The following SIGLEC15 variants were observed in gnomAD, a reference collection of about 807,000 sequenced individuals.
SIGLEC15 encodes sialic acid-binding Ig-like lectin 15.
Under a neutral mutation model 26.2 loss-of-function variants are expected in SIGLEC15, and 31 were observed. That is an observed-to-expected ratio of 1.18 (90% CI 0.89 to 1.60). The LOEUF is 1.60. Ranked by LOEUF, SIGLEC15 falls within the 40% of genes most tolerant of loss-of-function variation. The pLI is 0.00. For missense variants in SIGLEC15, 501 were observed against 488.4 expected, an observed-to-expected ratio of 1.03 and a Z score of -0.24; for synonymous variants, 207 against 221.9, an observed-to-expected ratio of 0.93 and a Z score of 0.60.
In SIGLEC15 at chr18:45,837,014, T is replaced by C. The variant is rs760622152; in HGVS notation, c.53-15T>C. 2.4e-5 allele frequency: 31 copies of C among 1,274,074 alleles called. No homozygotes were observed. The highest frequency in any genetic ancestry group is 3.3e-5 in the Non-Finnish European group (29 of 870,240). 78.9% of individuals were successfully genotyped at this position (1,274,074 alleles called of 1,614,324 possible). On this transcript the variant is annotated splice_polypyrimidine_tract_variant and intron_variant, in intron 1 of 5. Transcript: ENST00000389474. ...TATTCACGTGTAACCCGGGGTTAAC[T>C]GTGTTTATCTGTAGGCTCATTTGTG...
chr18:45,830,445 G>C (rs748329742), intron 1 of SIGLEC15, among the ~76,000 whole-genome samples: 2 of 152,186 alleles, frequency 1.3e-5, no homozygotes, highest in Non-Finnish European at 2.9e-5. Context: ...CTTTAGATTG[G>C]TCACTGCAAG....
rs1352657311 is a variant in SIGLEC15 at position 45,838,704 on chromosome 18, C to A, written c.497-14C>A. The A allele has an allele frequency of 6.4e-7, 1 of 1,561,074 alleles. No homozygotes were observed. The highest frequency in any genetic ancestry group is 2.3e-5 in the East Asian group (1 of 43,162). ...GGGTGCCCTTGTGACAGTCACCCGC[C>A]TTCTCCCCTGCAGCCGCGCCGCGGA... On this transcript the variant is annotated splice_polypyrimidine_tract_variant and intron_variant, in intron 3 of 5. Transcript: ENST00000389474.
At chr18:45,841,871 G>A (rs1011450935) in intron 5 of SIGLEC15, among the ~76,000 whole-genome samples, 3 of 152,114 alleles carry the variant, frequency 2.0e-5, no homozygotes, top group Non-Finnish European at 4.4e-5. Context: ...AGCCAGTCTT[G>A]AGGCCTCAGA....
Position 45,842,851 on chromosome 18 carries a change from G to A in SIGLEC15, c.*664G>A, listed in dbSNP as rs544936. 0.055 allele frequency: 8,332 copies of A among 152,680 alleles called. 410 individuals are homozygous for A. The highest frequency in any genetic ancestry group is 0.13 in the African/African-American group (5,515 of 41,540). 9.5% of individuals were successfully genotyped at this position (152,680 alleles called of 1,614,324 possible). On this transcript the variant is annotated 3_prime_UTR_variant, in exon 6 of 6. Coordinates refer to ENST00000389474, the MANE Select transcript of SIGLEC15 (RefSeq NM_213602.3). Reference sequence around the variant, plus strand: ...AGTGTGGCCCCTGCAGCAGTGTCACGGAGAACACAGAGTTCCAGAGAGCAA... The same window carrying A: ...AGTGTGGCCCCTGCAGCAGTGTCACAGAGAACACAGAGTTCCAGAGAGCAA...
At chr18:45,828,560 T>C (rs1398216257) in intron 1 of SIGLEC15, among the ~76,000 whole-genome samples, 1 of 152,184 alleles carries the variant, frequency 6.6e-6, no homozygotes, top group Non-Finnish European at 1.5e-5. Context: ...CCACAACCAC[T>C]GTCATCTTCA....
chr18:45,837,699 G>A lies in SIGLEC15; in HGVS notation c.299G>A (p.Gly100Asp). Reference sequence around the variant, plus strand: ...GTGTTCCGCTGCGCTGCGGCGCGGGGCAGCGAGCTCTGCCAGACGGCGCTG... The same window carrying A: ...GTGTTCCGCTGCGCTGCGGCGCGGGACAGCGAGCTCTGCCAGACGGCGCTG... ...PQVFRCAAAR[G>D]SELCQTALSL... Residue 100 changes from glycine (G) to aspartate (D), a missense_variant, in exon 3 of 6, where the codon GGC becomes GAC. Gly to Asp is a moderately conservative substitution (Grantham distance 94). Transcript: ENST00000389474. 1 of 1,479,242 alleles carries A rather than the reference G, an allele frequency of 6.8e-7. No individual in the cohort carries two copies. The highest frequency in any genetic ancestry group is 8.9e-7 in the Non-Finnish European group (1 of 1,124,420). The allele number at this position is 1,479,242 out of a possible 1,614,324, so 91.6% of individuals were successfully genotyped here.
intron 1 of SIGLEC15, among the ~76,000 whole-genome samples, chr18:45,827,839 T>C (rs541263532): frequency 6.6e-6 from 1 of 152,160 alleles, no homozygotes; most frequent in African/African-American, 2.4e-5. Flanking sequence ...CTGCTATGAA[T>C]CAGCAAGACA....
rs2048332573 is a variant in SIGLEC15 at position 45,842,420 on chromosome 18, C to T, written c.*233C>T. ...TGCCAGCATTTCGTAAATGTGCATACGTCTGTGTGTGTGTGTGTGTGTGAG... is the reference window on the plus strand; with the variant it reads ...TGCCAGCATTTCGTAAATGTGCATATGTCTGTGTGTGTGTGTGTGTGTGAG... On this transcript the variant is annotated 3_prime_UTR_variant, in exon 6 of 6. Transcript: ENST00000389474. 9 of 546,672 alleles carry T rather than the reference C, an allele frequency of 1.6e-5. No individual in the cohort carries two copies. The highest frequency in any genetic ancestry group is 1.3e-4 in the Admixed American group (4 of 31,414). The allele number at this position is 546,672 out of a possible 1,614,324, so 33.9% of individuals were successfully genotyped here.
intron 1 of SIGLEC15, among the ~76,000 whole-genome samples, chr18:45,831,510 C>T (rs1270466358): frequency 6.6e-6 from 1 of 152,148 alleles, no homozygotes; most frequent in Non-Finnish European, 1.5e-5. Context: ...GAGCAATGGC[C>T]AGACTGTCAA....
chr18:45,828,245 T>C (rs576004313), intron 1 of SIGLEC15, among the ~76,000 whole-genome samples: 2 of 152,274 alleles, frequency 1.3e-5, no homozygotes, highest in East Asian at 3.9e-4. Context: ...GAACAGCCCC[T>C]TGGTGAGAGA....
chr18:45,835,916 G>C (rs1405096940), intron 1 of SIGLEC15, among the ~76,000 whole-genome samples: 1 of 152,220 alleles, frequency 6.6e-6, no homozygotes, highest in African/African-American at 2.4e-5. Context: ...CCAGAAAAGA[G>C]AAGGCTCAAT....
intron 1 of SIGLEC15, among the ~76,000 whole-genome samples, chr18:45,834,322 A>G (rs1422732302): frequency 6.6e-6 from 1 of 152,170 alleles, no homozygotes; most frequent in Non-Finnish European, 1.5e-5. Flanking sequence ...CAGCAACACA[A>G]ATAGAACCAG....
At chr18:45,829,565 C>A (rs1041628222) in intron 1 of SIGLEC15, among the ~76,000 whole-genome samples, 1 of 152,144 alleles carries the variant, frequency 6.6e-6, no homozygotes, top group Admixed American at 6.5e-5. Context: ...TCTCTCCTTG[C>A]CCTCAAAATG....
Position 45,838,908 on chromosome 18 carries a change from G to T in SIGLEC15, c.687G>T (p.Leu229=). 1 of 1,601,784 alleles carries T rather than the reference G, an allele frequency of 6.2e-7. No homozygotes were observed. The highest frequency in any genetic ancestry group is 8.5e-7 in the Non-Finnish European group (1 of 1,177,594). Residue 229 remains leucine, a synonymous_variant, in exon 4 of 6, where the codon CTG becomes CTT. Transcript: ENST00000389474. Reference sequence around the variant, plus strand: ...TAGTGACCGCCGAACTGCCCGCACTGACCCATGACGGCCGCTACACGTGTA... The same window carrying T: ...TAGTGACCGCCGAACTGCCCGCACTTACCCATGACGGCCGCTACACGTGTA... ...GHLVTAELPA[L]THDGRYTCTA... is the part of the protein sequence containing the mutation.
intron 2 of SIGLEC15, 21 bp from the exon 3 acceptor site, chr18:45,837,492 C>T (rs933290617): frequency 6.1e-5 from 89 of 1,460,986 alleles, no homozygotes; most frequent in East Asian, 8.1e-5. Flanking sequence ...CCGAGCCTGA[C>T]GCAGCCCGCC....
chr18:45,840,389 CCA>C, intron 5 of SIGLEC15, 148 bp downstream of exon 5: 1 of 861,292 alleles, frequency 1.2e-6, no homozygotes, highest in Non-Finnish European at 1.7e-6. Flanking sequence ...TTGCAGCCCA[CCA>C]AGGCACCCCT....
rs1052834381 is a variant in SIGLEC15 at position 45,837,752 on chromosome 18, G to C, written c.352G>C (p.Gly118Arg). 1.3e-6 allele frequency: 2 copies of C among 1,517,308 alleles called. No individual in the cohort carries two copies. The highest frequency in any genetic ancestry group is 1.4e-5 in the African/African-American group (1 of 69,438). 94.0% of individuals were successfully genotyped at this position (1,517,308 alleles called of 1,614,324 possible). A position where few individuals can be genotyped will look rare whatever the true frequency, so the allele number is the denominator to read the frequency against. Residue 118 changes from glycine to arginine, a missense_variant, in exon 3 of 6, where the codon GGC becomes CGC. Gly to Arg is a moderately radical substitution (Grantham distance 125). Coordinates refer to ENST00000389474, the MANE Select transcript of SIGLEC15 (RefSeq NM_213602.3). The stretch of plus-strand genomic sequence containing the variant: ...CCTGCACGGCCGCTTCCGGCTGCTG[G>C]GCAACCCGCGCCGCAACGACCTCTC... ...LSLHGRFRLL[G>R]NPRRNDLSLR...
rs750242523 is a variant in SIGLEC15 at position 45,837,832 on chromosome 18, C to A, written c.432C>A (p.Val144=). The A allele has an allele frequency of 6.5e-7, 1 of 1,535,744 alleles. No individual in the cohort carries two copies. The highest frequency in any genetic ancestry group is 8.7e-7 in the Non-Finnish European group (1 of 1,151,468). ...ACGACCGCCGCTACTTCTGCCGCGT[C>A]GAGTTCGCCGGCGACGTCCATGACC... The part of the protein sequence containing the change: ...LADDRRYFCR[V]EFAGDVHDRY... Residue 144 remains valine, a synonymous_variant, in exon 3 of 6, where the codon GTC becomes GTA. Coordinates refer to ENST00000389474, the MANE Select transcript of SIGLEC15 (RefSeq NM_213602.3).
In SIGLEC15 at chr18:45,828,188, G is replaced by A. The variant is rs76802193; in HGVS notation, c.52+2408G>A. On this transcript the variant is annotated intron_variant, in intron 1 of 5. Coordinates refer to ENST00000389474, the MANE Select transcript of SIGLEC15 (RefSeq NM_213602.3). The stretch of plus-strand genomic sequence containing the variant: ...TGCACCAGAGGCTCTGTGAGCAGAC[G>A]CCTGTGCCAACGCAGGCCCGCCAGT... Among the ~76,000 whole-genome samples, 829 of 152,300 alleles carry A rather than the reference G, an allele frequency of 5.4e-3. 5 individuals carry two copies. The highest frequency in any genetic ancestry group is 8.4e-3 in the Non-Finnish European group (574 of 68,014).
Sources: allele counts gnomAD v4.1 joint callset (sites outside exome capture counted in the v4.1 genomes callset), GRCh38; gene constraint gnomAD v4.1.1; transcripts MANE v1.5; gene names NCBI Gene and HGNC (gene_info 2026-07-23, HGNC 2026-07-21).